The following C1orf21 variants were observed in gnomAD, a reference collection of about 807,000 sequenced individuals.
C1orf21 encodes uncharacterized protein C1orf21.
C1orf21 carries 3 observed loss-of-function variants against 18.7 expected under a neutral mutation model. The ratio of observed to expected loss-of-function variants is 0.16; its 90% CI spans 0.07 to 0.42. C1orf21 has a LOEUF of 0.42. C1orf21 is among the 10% of genes least tolerant of loss of function. The pLI, the probability that C1orf21 is intolerant of heterozygous loss-of-function variation, is 0.99. For synonymous variants in C1orf21, 41 were observed against 46.4 expected, an observed-to-expected ratio of 0.88 and a Z score of 0.47; for missense variants, 104 against 143.6, an observed-to-expected ratio of 0.72 and a Z score of 1.41.
At position 184,480,851 on chromosome 1, in the gene C1orf21, T is replaced by C. The variant is rs184133504; in HGVS notation, c.94+3248T>C. On this transcript the variant is annotated intron_variant, in intron 2 of 5. Transcript: ENST00000235307. ...CTGCGTGACTCGCTTTCGTGCTTAA[T>C]CTACTGGTGGTCGAGCTGGCTGCAT... Among the ~76,000 whole-genome samples the C allele has an allele frequency of 1.9e-3, 292 of 152,284 alleles. 1 individual carries two copies. Among genetic ancestry groups the C allele is most frequent in the African/African-American group, 6.5e-3 (269 of 41,560 alleles).
intron 1 of C1orf21, among the ~76,000 whole-genome samples, chr1:184,459,982 C>A (rs1657276968): frequency 6.6e-6 from 1 of 152,166 alleles, no homozygotes; most frequent in Non-Finnish European, 1.5e-5. Context: ...ACACCGTTTC[C>A]CTTCACTCCG....
chr1:184,475,280 A>G (rs1362262350), intron 1 of C1orf21, among the ~76,000 whole-genome samples: 2 of 152,190 alleles, frequency 1.3e-5, no homozygotes, highest in African/African-American at 4.8e-5. Flanking sequence ...AGTTGAATGA[A>G]GGTAGCAAGG....
intron 1 of C1orf21, among the ~76,000 whole-genome samples, chr1:184,463,944 G>A (rs958035940): frequency 6.6e-6 from 1 of 152,254 alleles, no homozygotes; most frequent in African/African-American, 2.4e-5. Flanking sequence ...CTTGAAGGTT[G>A]GGTAGAATTT....
intron 1 of C1orf21, among the ~76,000 whole-genome samples, chr1:184,458,672 T>C (rs1174185161): frequency 2.0e-5 from 3 of 152,242 alleles, no homozygotes; most frequent in African/African-American, 7.2e-5. Context: ...TTGCCACTTA[T>C]CATTAAATAT....
intron 1 of C1orf21, among the ~76,000 whole-genome samples, chr1:184,415,154 T>C (rs1183714716): frequency 6.6e-6 from 1 of 152,060 alleles, no homozygotes; most frequent in African/African-American, 2.4e-5. Context: ...TTGAGTAAAG[T>C]TGTGGGGTGT....
At position 184,619,591 on chromosome 1, in the gene C1orf21, T is replaced by G; in HGVS notation, c.*35T>G. The stretch of plus-strand genomic sequence containing the variant: ...TACCACTCAAACCAGGAGCTACTAC[T>G]GTGTAAATAGGTTACACCCCAGTTG... On this transcript the variant is annotated 3_prime_UTR_variant, in exon 6 of 6. Coordinates refer to ENST00000235307, the MANE Select transcript of C1orf21 (RefSeq NM_030806.4). 2 of 1,603,396 alleles carry G rather than the reference T, an allele frequency of 1.2e-6. No homozygotes were observed. Among genetic ancestry groups the G allele is most frequent in the Non-Finnish European group, 1.7e-6 (2 of 1,172,300 alleles).
intron 1 of C1orf21, among the ~76,000 whole-genome samples, chr1:184,450,570 G>A (rs1322495035): frequency 6.6e-6 from 1 of 152,142 alleles, no homozygotes; most frequent in Non-Finnish European, 1.5e-5. Flanking sequence ...ATTCACAAAA[G>A]CGTACACAAC....
At chr1:184,505,746 G>A (rs1272884897) in intron 2 of C1orf21, among the ~76,000 whole-genome samples, 1 of 151,982 alleles carries the variant, frequency 6.6e-6, no homozygotes, top group Non-Finnish European at 1.5e-5. Flanking sequence ...CTGGGCAGTA[G>A]AATGAAACTC....
rs534325333 is a variant in C1orf21 at position 184,410,288 on chromosome 1, T to A, written c.-125+22920T>A. On this transcript the variant is annotated intron_variant, in intron 1 of 5. Transcript: ENST00000235307. ...GACAGGATTATGCTGAGATAAAGGATGATTTTTCAGGTGGATATCTTTGAT... is the reference window on the plus strand; with the variant it reads ...GACAGGATTATGCTGAGATAAAGGAAGATTTTTCAGGTGGATATCTTTGAT... Among the ~76,000 whole-genome samples the A allele has an allele frequency of 2.4e-4, 37 of 152,174 alleles. No individual in the cohort carries two copies. In the East Asian group the frequency reaches 6.0e-3, roughly 25 times the overall value.
intron 1 of C1orf21, among the ~76,000 whole-genome samples, chr1:184,418,225 C>G (rs1571348647): frequency 6.6e-6 from 1 of 151,164 alleles, no homozygotes; most frequent in Admixed American, 6.6e-5. Context: ...CATAACTTCT[C>G]TTTATTTTTT....
chr1:184,621,836 G>C lies in C1orf21; in HGVS notation c.*2280G>C, dbSNP rs1389654919. 1 of 152,140 alleles carries C rather than the reference G, an allele frequency of 6.6e-6. No individual in the cohort carries two copies. Among genetic ancestry groups the C allele is most frequent in the African/African-American group, 2.4e-5 (1 of 41,422 alleles). The allele number at this position is 152,140 out of a possible 1,614,324, so 9.4% of individuals were successfully genotyped here. On this transcript the variant is annotated 3_prime_UTR_variant, in exon 6 of 6. Coordinates refer to ENST00000235307, the MANE Select transcript of C1orf21 (RefSeq NM_030806.4). ...CCAGCAGATTTTCACCTGGGTTCTG[G>C]CTCCGGTGTTTAACACTGGATACAT... is the stretch of plus-strand genomic sequence containing the variant.
At chr1:184,571,221 C>T (rs1412263167) in intron 3 of C1orf21, among the ~76,000 whole-genome samples, 3 of 146,526 alleles carry the variant, frequency 2.0e-5, no homozygotes, top group South Asian at 4.4e-4. Context: ...GGCGTGAACC[C>T]GGGAGGCGGA....
intron 4 of C1orf21, among the ~76,000 whole-genome samples, chr1:184,594,867 ATTTGCAGAT>A (rs1328452765): frequency 7.9e-5 from 12 of 152,178 alleles, no homozygotes; most frequent in African/African-American, 2.9e-4. Context: ...GCTTTTTATC[ATTTGCAGAT>A]TTTATTTTTT....
intron 3 of C1orf21, among the ~76,000 whole-genome samples, chr1:184,550,639 A>T (rs1658800042): frequency 6.6e-6 from 1 of 152,094 alleles, no homozygotes; most frequent in African/African-American, 2.4e-5. Context: ...GGCTCAAACG[A>T]TCCTCCAACC....
chr1:184,627,174 G>A lies in C1orf21; in HGVS notation c.*7618G>A, dbSNP rs1212860391. 6.6e-6 allele frequency: 1 copy of A among 152,494 alleles called. No homozygotes were observed. The highest frequency in any genetic ancestry group is 1.5e-5 in the Non-Finnish European group (1 of 68,082). The allele number at this position is 152,494 out of a possible 1,614,324, so 9.4% of individuals were successfully genotyped here. A position where few individuals can be genotyped will look rare whatever the true frequency, so the allele number is the denominator to read the frequency against. On this transcript the variant is annotated 3_prime_UTR_variant, in exon 6 of 6. Coordinates refer to ENST00000235307, the MANE Select transcript of C1orf21 (RefSeq NM_030806.4). ...TGGGTACCTGGAGGCTGCCAGAGCT[G>A]GGAGCTCTGCAGGTATGAGTCAGGG...
chr1:184,592,174 T>C (rs558724580), intron 4 of C1orf21: 2 of 152,216 alleles, frequency 1.3e-5, no homozygotes, highest in Non-Finnish European at 2.9e-5. Flanking sequence ...GTTCAATTGT[T>C]ATTTTGCAAA....
chr1:184,429,559 C>A (rs1656701680), intron 1 of C1orf21, among the ~76,000 whole-genome samples: 1 of 152,090 alleles, frequency 6.6e-6, no homozygotes, highest in Non-Finnish European at 1.5e-5. Flanking sequence ...ACATTTGGCA[C>A]CATCTGGCAT....
chr1:184,531,819 TC>T (rs1434244580), intron 3 of C1orf21, among the ~76,000 whole-genome samples: 2 of 152,262 alleles, frequency 1.3e-5, no homozygotes, highest in South Asian at 4.1e-4. Context: ...ACAGTGCACT[TC>T]CTACAGCTGA....
At chr1:184,503,985 A>C (rs753417385) in intron 2 of C1orf21, among the ~76,000 whole-genome samples, 33 of 152,206 alleles carry the variant, frequency 2.2e-4, no homozygotes, top group Non-Finnish European at 4.4e-4. Context: ...GGGATCTTAC[A>C]GTTTTCTAAA....
Sources: gnomAD v4.1 joint callset for allele counts (sites outside exome capture counted in the v4.1 genomes callset) on GRCh38, gnomAD v4.1.1 for gene constraint, MANE v1.5 for transcripts, NCBI Gene and HGNC (gene_info 2026-07-23, HGNC 2026-07-21) for gene names.